PRELID2: variants seen among roughly 807,000 people sequenced by gnomAD.
PRELID2 encodes the protein PRELI domain containing 2, also known as PRELI domain-containing protein 2.
PRELID2 carries 25 observed loss-of-function variants against 28.4 expected under a neutral mutation model. That is an observed-to-expected ratio of 0.88 (90% CI 0.64 to 1.23). The LOEUF (loss-of-function observed/expected upper bound fraction) is 1.23, where lower values mean the gene tolerates loss of function less well. Among genes scored for constraint, PRELID2 ranks in the 50% most tolerant of loss-of-function variants. The pLI is 0.00. For missense variants in PRELID2, 201 were observed against 214.4 expected, an observed-to-expected ratio of 0.94 and a Z score of 0.39; for synonymous variants, 76 against 71.6, an observed-to-expected ratio of 1.06 and a Z score of -0.31.
At chr5:145,392,691 G>A in the PRELID2 span, among the ~76,000 whole-genome samples, 2 of 151,502 alleles carry the variant, frequency 1.3e-5, no homozygotes, top group East Asian at 3.9e-4. Context: ...GAGAGAGGGA[G>A]GAGAGAGAGA....
intron 1 of PRELID2, among the ~76,000 whole-genome samples, chr5:145,505,745 G>A (rs982899568): frequency 3.3e-5 from 5 of 152,124 alleles, no homozygotes; most frequent in Non-Finnish European, 5.9e-5. Flanking sequence ...ATGTGGAAAA[G>A]CATAAATTCC....
chr5:145,796,671 A>G, intron 4 of PRELID2, 124 bp from the exon 5 acceptor site: 1 of 451,182 alleles, frequency 2.2e-6, no homozygotes, highest in Non-Finnish European at 3.9e-6. Context: ...TAATAATTCA[A>G]TAACTACCTA....
the PRELID2 span, among the ~76,000 whole-genome samples, chr5:145,299,635 ATGTGTGTGCGTGTGTGTGTGTGTGTG>A: frequency 9.3e-6 from 1 of 107,556 alleles, no homozygotes; most frequent in Non-Finnish European, 2.0e-5. Flanking sequence ...CTACATATAT[ATGTGTGTGCGTGTGTGTGTGTGTGTG>A]TGTGTGTGTG....
At chr5:145,360,300 A>G in the PRELID2 span, among the ~76,000 whole-genome samples, 1 of 152,206 alleles carries the variant, frequency 6.6e-6, no homozygotes, top group Non-Finnish European at 1.5e-5. Context: ...TGACATTTCT[A>G]AGGCACTGAG....
chr5:145,232,082 G>A, the PRELID2 span, among the ~76,000 whole-genome samples: 3 of 152,098 alleles, frequency 2.0e-5, no homozygotes, highest in African/African-American at 7.2e-5. Context: ...TAGGACACTA[G>A]TGTCTCGTGT....
chr5:145,705,071 T>C (rs916778855), intron 1 of PRELID2, among the ~76,000 whole-genome samples: 1 of 152,182 alleles, frequency 6.6e-6, no homozygotes, highest in Non-Finnish European at 1.5e-5. Flanking sequence ...CTAAGAGTAT[T>C]TATGAACATA....
chr5:145,265,366 T>C, the PRELID2 span, among the ~76,000 whole-genome samples: 82 of 152,208 alleles, frequency 5.4e-4, no homozygotes, highest in Non-Finnish European at 1.0e-3. Context: ...ATGGGTAGAA[T>C]TAACATTGTG....
chr5:145,447,264 G>A, the PRELID2 span, among the ~76,000 whole-genome samples: 1 of 151,762 alleles, frequency 6.6e-6, no homozygotes, highest in Non-Finnish European at 1.5e-5. Flanking sequence ...AAATCCATCA[G>A]TGTTAGTTAG....
chr5:145,241,436 G>T, the PRELID2 span, among the ~76,000 whole-genome samples: 1 of 152,010 alleles, frequency 6.6e-6, no homozygotes, highest in Non-Finnish European at 1.5e-5. Context: ...TCACCAATGA[G>T]AAATAAATGT....
At chr5:145,616,802 T>C (rs1434869954) in intron 1 of PRELID2, among the ~76,000 whole-genome samples, 3 of 152,116 alleles carry the variant, frequency 2.0e-5, no homozygotes, top group Non-Finnish European at 4.4e-5. Context: ...AGACAGGGTT[T>C]GAGAGCAGAC....
intron 1 of PRELID2, among the ~76,000 whole-genome samples, chr5:145,582,806 A>G (rs1328280745): frequency 6.6e-6 from 1 of 152,102 alleles, no homozygotes; most frequent in Non-Finnish European, 1.5e-5. Flanking sequence ...AGTAATAAAT[A>G]GCTTACTAAC....
In PRELID2 at chr5:145,726,139, A is replaced by C. The variant is rs937691285; in HGVS notation, n.70+38792T>G. Among the ~76,000 whole-genome samples the C allele has an allele frequency of 4.0e-5, 6 of 151,492 alleles. No individual in the cohort carries two copies. In the East Asian group the frequency reaches 1.2e-3, roughly 30 times the overall value. ...AACCCTGATCCTGCCACTGCACTCT[A>C]GCCTGGCTGACAGAGCAAGACACTA... On this transcript the variant is annotated intron_variant and non_coding_transcript_variant, in intron 1 of 2. Transcript: ENST00000510259.
intron 4 of PRELID2, among the ~76,000 whole-genome samples, chr5:145,804,149 C>T (rs1753338832): frequency 1.3e-5 from 2 of 152,154 alleles, no homozygotes; most frequent in Admixed American, 1.3e-4. Flanking sequence ...ATGATAGAAT[C>T]TCAGAGGCTC....
intron 1 of PRELID2, among the ~76,000 whole-genome samples, chr5:145,643,072 C>T (rs577985534): frequency 1.1e-4 from 17 of 152,154 alleles, no homozygotes; most frequent in South Asian, 4.1e-4. Context: ...GGTAGCTTGA[C>T]GGGGATAGCA....
At chr5:145,282,515 CT>C in the PRELID2 span, among the ~76,000 whole-genome samples, 1,227 of 141,582 alleles carry the variant, frequency 8.7e-3, 6 homozygotes, top group African/African-American at 0.021. Context: ...GACAGCTCTT[CT>C]TTTTTTTTTT....
chr5:145,358,734 C>A, the PRELID2 span, among the ~76,000 whole-genome samples: 1 of 152,090 alleles, frequency 6.6e-6, no homozygotes, highest in Non-Finnish European at 1.5e-5. Flanking sequence ...TGACATTGAT[C>A]CTTGGATGAA....
At chr5:145,714,357 G>A (rs1368927127) in intron 1 of PRELID2, among the ~76,000 whole-genome samples, 1 of 152,054 alleles carries the variant, frequency 6.6e-6, no homozygotes, top group Non-Finnish European at 1.5e-5. Context: ...ACTCCCCATG[G>A]GACTTCAAGG....
chr5:145,587,135 A>T (rs1029502268), intron 1 of PRELID2, among the ~76,000 whole-genome samples: 2 of 152,154 alleles, frequency 1.3e-5, no homozygotes, highest in Non-Finnish European at 2.9e-5. Context: ...ATACAGCATC[A>T]AGCCAGGGAA....
chr5:145,251,730 G>C, the PRELID2 span, among the ~76,000 whole-genome samples: 2 of 152,174 alleles, frequency 1.3e-5, no homozygotes, highest in East Asian at 3.9e-4. Context: ...ATTGCACCTT[G>C]TTTGATGCCC....
Sources: allele counts gnomAD v4.1 joint callset (sites outside exome capture counted in the v4.1 genomes callset), GRCh38; gene constraint gnomAD v4.1.1; transcripts MANE v1.5; gene names NCBI Gene and HGNC (gene_info 2026-07-23, HGNC 2026-07-21).